Variants in NRG3 observed in about 807,000 individuals in gnomAD.
NRG3 encodes the protein pro-neuregulin-3, membrane-bound isoform.
A neutral mutation model predicts 66.9 loss-of-function variants in NRG3; 31 were observed. That is an observed-to-expected ratio of 0.46 (90% confidence interval 0.35 to 0.63). NRG3 has a LOEUF of 0.63. NRG3 is among the 20% of genes least tolerant of loss of function. The pLI, the probability that NRG3 is intolerant of heterozygous loss-of-function variation, is 0.00. For missense variants in NRG3, 910 were observed against 878.9 expected (o/e 1.04, Z -0.45); for synonymous variants, 393 against 359.4 (o/e 1.09, Z -1.06).
chr10:82,882,078 GC>G (rs1842349584), intron 4 of NRG3, among the ~76,000 whole-genome samples: 1 of 152,034 alleles, frequency 6.6e-6, no homozygotes. Flanking sequence ...CTTTTAACAC[GC>G]CGTGATTGTC....
At chr10:82,846,472 C>G (rs2063313400) in intron 3 of NRG3, among the ~76,000 whole-genome samples, 1 of 152,172 alleles carries the variant, frequency 6.6e-6, no homozygotes, top group Non-Finnish European at 1.5e-5. Flanking sequence ...ATAGAGCTTA[C>G]TTTAAGGGAT....
chr10:81,906,581 C>T (rs1015567724), intron 1 of NRG3, among the ~76,000 whole-genome samples: 3 of 152,102 alleles, frequency 2.0e-5, no homozygotes, highest in African/African-American at 7.2e-5. Context: ...TCCAATGTGA[C>T]ATAGAGTGGA....
At chr10:82,206,866 C>A (rs749969435) in intron 1 of NRG3, among the ~76,000 whole-genome samples, 1 of 152,138 alleles carries the variant, frequency 6.6e-6, no homozygotes, top group African/African-American at 2.4e-5. Context: ...GTTATGTTCC[C>A]GTACTTAGTC....
At chr10:81,907,199 C>A (rs1025832259) in intron 1 of NRG3, among the ~76,000 whole-genome samples, 1 of 152,132 alleles carries the variant, frequency 6.6e-6, no homozygotes, top group South Asian at 2.1e-4. Flanking sequence ...AAACCACCAA[C>A]TAAAAATTTA....
chr10:82,913,152 G>A (rs539199775), intron 4 of NRG3, among the ~76,000 whole-genome samples: 1 of 152,248 alleles, frequency 6.6e-6, no homozygotes, highest in East Asian at 1.9e-4. Flanking sequence ...TTGAACCTGG[G>A]AGGCAGAGCT....
intron 6 of NRG3, among the ~76,000 whole-genome samples, chr10:82,965,198 T>C (rs1019487795): frequency 1.2e-4 from 18 of 152,230 alleles, no homozygotes; most frequent in Non-Finnish European, 2.1e-4. Context: ...CAGGATCTTT[T>C]GTATATTATA....
At chr10:82,099,711 C>T (rs1171680190) in intron 1 of NRG3, among the ~76,000 whole-genome samples, 1 of 152,126 alleles carries the variant, frequency 6.6e-6, no homozygotes, top group African/African-American at 2.4e-5. Flanking sequence ...TGGCTCACAT[C>T]TCTAATATCA....
At chr10:82,891,461 C>T (rs1484802324) in intron 4 of NRG3, among the ~76,000 whole-genome samples, 2 of 151,874 alleles carry the variant, frequency 1.3e-5, no homozygotes, top group South Asian at 2.1e-4. Flanking sequence ...TTTCATTTCC[C>T]TCAACATATT....
chr10:82,736,544 C>G (rs1285985985), intron 2 of NRG3, among the ~76,000 whole-genome samples: 1 of 152,234 alleles, frequency 6.6e-6, no homozygotes, highest in African/African-American at 2.4e-5. Context: ...CATCATCACA[C>G]TTTATTAGTT....
intron 2 of NRG3, among the ~76,000 whole-genome samples, chr10:82,707,349 G>A (rs946127005): frequency 4.6e-5 from 7 of 151,730 alleles, no homozygotes; most frequent in Admixed American, 1.3e-4. Context: ...CCTAGTTGTG[G>A]GCTGAGATTT....
At chr10:82,042,597 T>C (rs1238728984) in intron 1 of NRG3, among the ~76,000 whole-genome samples, 1 of 152,084 alleles carries the variant, frequency 6.6e-6, no homozygotes, top group Non-Finnish European at 1.5e-5. Flanking sequence ...TTTACAGTTA[T>C]AAACACATAA....
chr10:82,394,218 C>T (rs2086574571), intron 2 of NRG3, among the ~76,000 whole-genome samples: 2 of 152,152 alleles, frequency 1.3e-5, no homozygotes, highest in African/African-American at 4.8e-5. Context: ...TCTCATGTCA[C>T]ACTCTGCTTG....
chr10:82,439,326 TG>T (rs972604990), intron 2 of NRG3, among the ~76,000 whole-genome samples: 2 of 151,684 alleles, frequency 1.3e-5, no homozygotes, highest in Admixed American at 1.3e-4. Context: ...GGATATTCTC[TG>T]TTTGTTTGTG....
intron 2 of NRG3, among the ~76,000 whole-genome samples, chr10:82,418,339 T>C (rs2088743125): frequency 1.3e-5 from 2 of 152,198 alleles, no homozygotes; most frequent in South Asian, 4.1e-4. Context: ...AGTGTAAATG[T>C]GGAAAAGTTG....
At chr10:82,778,012 A>G (rs568347113) in intron 3 of NRG3, among the ~76,000 whole-genome samples, 2 of 152,120 alleles carry the variant, frequency 1.3e-5, no homozygotes, top group East Asian at 3.9e-4. Flanking sequence ...AAGGTAACCC[A>G]GCTCAGCCAA....
chr10:82,042,277 G>A (rs919956769), intron 1 of NRG3, among the ~76,000 whole-genome samples: 1 of 151,928 alleles, frequency 6.6e-6, no homozygotes, highest in African/African-American at 2.4e-5. Flanking sequence ...TTCCAATGGC[G>A]ATGGCATTTG....
intron 2 of NRG3, among the ~76,000 whole-genome samples, chr10:82,727,271 A>G (rs1275519604): frequency 6.6e-6 from 1 of 152,194 alleles, no homozygotes; most frequent in Non-Finnish European, 1.5e-5. Context: ...AATGTCTCCA[A>G]GGTATGTCGG....
At chr10:82,797,807 AC>A (rs1565326318) in intron 3 of NRG3, among the ~76,000 whole-genome samples, 1 of 152,158 alleles carries the variant, frequency 6.6e-6, no homozygotes, top group East Asian at 1.9e-4. Context: ...ATGAATGTAA[AC>A]AAAACTGTGA....
Position 82,080,704 on chromosome 10 carries a change from T to G in NRG3, c.823+204541T>G, listed in dbSNP as rs544452156. ...GCCACAGTTTTCTTTTTCTTTTTTT[T>G]GTTTTAACCTTTAAAAAAAATGTGG... On this transcript the variant is annotated intron_variant, in intron 1 of 8. Coordinates refer to ENST00000372141, the MANE Select transcript of NRG3 (RefSeq NM_001010848.4). Among the ~76,000 whole-genome samples the G allele has an allele frequency of 3.7e-3, 564 of 152,280 alleles. 4 individuals carry two copies. Among genetic ancestry groups the G allele is most frequent in the Non-Finnish European group, 6.3e-3 (431 of 68,012 alleles).
Sources: gnomAD v4.1 joint callset for allele counts (sites outside exome capture counted in the v4.1 genomes callset) on GRCh38, gnomAD v4.1.1 for gene constraint, MANE v1.5 for transcripts, NCBI Gene and HGNC (gene_info 2026-07-23, HGNC 2026-07-21) for gene names.